The following LIPT1 variants were observed in gnomAD, a reference collection of about 807,000 sequenced individuals.
LIPT1 encodes the protein lipoyl amidotransferase LIPT1, mitochondrial.
Under a neutral mutation model 25.1 loss-of-function variants are expected in LIPT1, and 22 were observed. The observed-to-expected ratio is 0.88, with a 90% confidence interval of 0.63 to 1.25. LIPT1 has a LOEUF of 1.25. LIPT1 is among the 50% of genes most tolerant of loss of function. The probability of loss-of-function intolerance (pLI) is 0.00; values close to 1 mark genes in which losing one functional copy is unlikely to be tolerated. For synonymous variants in LIPT1, 131 were observed against 150.8 expected, an observed-to-expected ratio of 0.87 and a Z score of 0.96; for missense variants, 399 against 432.8, an observed-to-expected ratio of 0.92 and a Z score of 0.69.
chr2:99,162,015 C>T lies in LIPT1; in HGVS notation c.58C>T (p.Pro20Ser), dbSNP rs754889866. ...CFQLLCNCQV[P>S]AAGFKKTVKN... ...CCAGTTACTTTGTAACTGCCAGGTC[C>T]CAGCAGCTGGCTTTAAAAAAACAGT... Residue 20 changes from proline (P) to serine (S), a missense_variant, in exon 2 of 2, where the codon CCA becomes TCA. Pro to Ser is a moderately conservative substitution (Grantham distance 74). Transcript: ENST00000651691. The T allele has an allele frequency of 6.8e-6, 11 of 1,613,470 alleles. No homozygotes were observed. The highest frequency in any genetic ancestry group is 1.3e-5 in the African/African-American group (1 of 74,872).
intron 1 of LIPT1, chr2:99,156,677 A>C (rs1213786464): frequency 1.3e-5 from 2 of 152,240 alleles, no homozygotes; most frequent in African/African-American, 4.8e-5. Context: ...TGTTGAATTA[A>C]TACCTTTGTT....
intron 1 of LIPT1, among the ~76,000 whole-genome samples, chr2:99,157,691 T>C (rs996957294): frequency 3.9e-5 from 6 of 152,226 alleles, no homozygotes; most frequent in Non-Finnish European, 7.3e-5. Context: ...TTCTGCCTTT[T>C]CTTCTATCCT....
chr2:99,155,789 GGA>G (rs903001513), intron 1 of LIPT1, among the ~76,000 whole-genome samples: 10 of 152,298 alleles, frequency 6.6e-5, no homozygotes, highest in African/African-American at 2.4e-4. Flanking sequence ...CTTCTCTAGG[GGA>G]GAGAGGGTAT....
At chr2:99,157,463 C>T (rs765010731) in intron 1 of LIPT1, among the ~76,000 whole-genome samples, 2 of 152,190 alleles carry the variant, frequency 1.3e-5, no homozygotes, top group Non-Finnish European at 2.9e-5. Flanking sequence ...ACCTACTGCC[C>T]TAGCTTTTCC....
chr2:99,155,663 A>AT, intron 1 of LIPT1: 1 of 403,582 alleles, frequency 2.5e-6, no homozygotes, highest in Non-Finnish European at 4.9e-6. Flanking sequence ...GCTTGACACT[A>AT]TCCCAACGAC....
In LIPT1 at chr2:99,163,129, A is replaced by G. The variant is rs371248452; in HGVS notation, c.*50A>G. On this transcript the variant is annotated 3_prime_UTR_variant, in exon 2 of 2. Transcript: ENST00000651691. ...TTTCAATTAGAAAATAAAATGTCTCATACTTGCACATTGTATGTCAAAAAA... is the reference window on the plus strand; with the variant it reads ...TTTCAATTAGAAAATAAAATGTCTCGTACTTGCACATTGTATGTCAAAAAA... The G allele has an allele frequency of 9.5e-5, 123 of 1,290,150 alleles. No homozygotes were observed. The highest frequency in any genetic ancestry group is 5.7e-5 in the Non-Finnish European group (55 of 960,372). 79.9% of individuals were successfully genotyped at this position (1,290,150 alleles called of 1,614,324 possible). A position where few individuals can be genotyped will look rare whatever the true frequency, so the allele number is the denominator to read the frequency against.
rs769975874 is a variant in LIPT1, at chr2:99,162,551, A to G, written c.594A>G (p.Gln198=). 65 of 1,614,032 alleles carry G rather than the reference A, an allele frequency of 4.0e-5. No individual in the cohort carries two copies. Among genetic ancestry groups the G allele is most frequent in the Non-Finnish European group, 5.3e-5 (62 of 1,180,042 alleles). Reference sequence around the variant, plus strand: ...CTTCTTTGCTAAAGAGCCCTTACCAAGGGATCAGGAGCAATGCCACTGCTA... The same window carrying G: ...CTTCTTTGCTAAAGAGCCCTTACCAGGGGATCAGGAGCAATGCCACTGCTA... ...FLSSLLKSPY[Q]GIRSNATASI... is the part of the protein sequence containing the mutation. Residue 198 remains glutamine, a synonymous_variant, in exon 2 of 2, where the codon CAA becomes CAG. Coordinates refer to ENST00000651691, the MANE Select transcript of LIPT1 (RefSeq NM_145199.3).
In LIPT1 at chr2:99,162,291, A is replaced by G; in HGVS notation, c.334A>G (p.Asn112Asp). 1 of 1,610,716 alleles carries G rather than the reference A, an allele frequency of 6.2e-7. No homozygotes were observed. Among genetic ancestry groups the G allele is most frequent in the Non-Finnish European group, 8.5e-7 (1 of 1,177,806 alleles). ...AGGAACAGTCTACCATGATATGGGT[A>G]ATATCAATTTGACTTTCTTTACAAC... ...GGGTVYHDMG[N>D]INLTFFTTKK... is the part of the protein sequence containing the mutation. Residue 112 changes from asparagine to aspartate, a missense_variant, in exon 2 of 2, where the codon AAT (asparagine) becomes GAT (aspartate). Asn to Asp is a conservative substitution (Grantham distance 23). Transcript: ENST00000651691.
Position 99,162,928 on chromosome 2 carries a change from G to C in LIPT1, c.971G>C (p.Arg324Pro), listed in dbSNP as rs201441847. 6.8e-6 allele frequency: 11 copies of C among 1,613,676 alleles called. No homozygotes were observed. In the East Asian group the frequency reaches 1.3e-4, roughly 20 times the overall value. Residue 324 changes from arginine (R) to proline (P), a missense_variant, in exon 2 of 2, where the codon CGT becomes CCT. By Grantham distance (103) the Arg-to-Pro change is moderately radical. Transcript: ENST00000651691. ...APDHWLPLEI[R>P]DKLNSSLIGS... Reference sequence around the variant, plus strand: ...GATCATTGGTTGCCATTGGAAATACGTGACAAATTAAATTCAAGTCTTATT... The same window carrying C: ...GATCATTGGTTGCCATTGGAAATACCTGACAAATTAAATTCAAGTCTTATT...
At chr2:99,161,732 CTG>C in intron 1 of LIPT1, 2 of 446,332 alleles carry the variant, frequency 4.5e-6, no homozygotes, top group South Asian at 4.9e-5. Flanking sequence ...TGTTTGAAAA[CTG>C]TGAAATTATT....
chr2:99,159,666 G>GTACC (rs1321429307), intron 1 of LIPT1, among the ~76,000 whole-genome samples: 1 of 152,046 alleles, frequency 6.6e-6, no homozygotes, highest in East Asian at 1.9e-4. Context: ...TTATTACCTT[G>GTACC]TACCTAGTAG....
intron 1 of LIPT1, chr2:99,155,626 G>C (rs2093744431): frequency 2.3e-6 from 1 of 436,802 alleles, no homozygotes; most frequent in Admixed American, 2.7e-5. Flanking sequence ...GATTTTGAAG[G>C]AACAAAATTT....
At chr2:99,161,733 T>C (rs1196444529) in intron 1 of LIPT1, 1 of 456,826 alleles carries the variant, frequency 2.2e-6, no homozygotes, top group African/African-American at 2.0e-5. Context: ...GTTTGAAAAC[T>C]GTGAAATTAT....
chr2:99,161,294 ATAT>A (rs2093789589), intron 1 of LIPT1: 1 of 14,756 alleles, frequency 6.8e-5, no homozygotes, highest in African/African-American at 3.4e-4. Flanking sequence ...AAAAAAAAAT[ATAT>A]ATATATATAT....
At chr2:99,156,146 G>A (rs2093750625) in intron 1 of LIPT1, among the ~76,000 whole-genome samples, 2 of 152,326 alleles carry the variant, frequency 1.3e-5, no homozygotes, top group South Asian at 4.1e-4. Flanking sequence ...TGGTTTACGT[G>A]TTCAGGTGCT....
intron 1 of LIPT1, among the ~76,000 whole-genome samples, chr2:99,161,125 C>G (rs180865468): frequency 6.6e-6 from 1 of 150,526 alleles, no homozygotes; most frequent in Admixed American, 6.6e-5. Flanking sequence ...TTTAGCCACA[C>G]GTGGTGGCAG....
At chr2:99,155,479 CA>C in intron 1 of LIPT1, 1 of 456,056 alleles carries the variant, frequency 2.2e-6, no homozygotes, top group Non-Finnish European at 4.4e-6. Context: ...TTTTCGCTTT[CA>C]GTTCAGTGAT....
rs373610498 is a variant in LIPT1 at position 99,162,710 on chromosome 2, G to A, written c.753G>A (p.Thr251=). The A allele has an allele frequency of 8.0e-5, 129 of 1,614,120 alleles. No homozygotes were observed. The highest frequency in any genetic ancestry group is 3.2e-4 in the South Asian group (29 of 91,076). ...IDNHIHLINP[T]DETLFPGINS... is the part of the protein sequence containing the mutation. Reference sequence around the variant, plus strand: ...ATCACATTCACCTAATAAACCCAACGGATGAGACACTGTTTCCTGGAATAA... The same window carrying A: ...ATCACATTCACCTAATAAACCCAACAGATGAGACACTGTTTCCTGGAATAA... Residue 251 remains threonine, a synonymous_variant, in exon 2 of 2, where the codon ACG becomes ACA. Coordinates refer to ENST00000651691, the MANE Select transcript of LIPT1 (RefSeq NM_145199.3).
Position 99,162,492 on chromosome 2 carries a change from A to G in LIPT1, c.535A>G (p.Thr179Ala), listed in dbSNP as rs786205156. 1.2e-6 allele frequency: 2 copies of G among 1,614,106 alleles called. No individual in the cohort carries two copies. Among genetic ancestry groups the G allele is most frequent in the South Asian group, 1.1e-5 (1 of 91,086 alleles). ...CCGGACTACTGCCTATCACCATTGC[A>G]CTTTATTATGTAGTACTGATGGGAC... is the stretch of plus-strand genomic sequence containing the variant. ...IGRTTAYHHC[T>A]LLCSTDGTFL... Residue 179 changes from threonine to alanine, a missense_variant, in exon 2 of 2, where the codon ACT becomes GCT. Physicochemically the swap from Thr to Ala is moderately conservative, Grantham distance 58 (BLOSUM62 0). Transcript: ENST00000651691.
Sources: gnomAD v4.1 joint callset for allele counts (sites outside exome capture counted in the v4.1 genomes callset) on GRCh38, gnomAD v4.1.1 for gene constraint, MANE v1.5 for transcripts, NCBI Gene and HGNC (gene_info 2026-07-23, HGNC 2026-07-21) for gene names.